The following CDH12 variants were observed in gnomAD, a reference collection of about 807,000 sequenced individuals.
CDH12 encodes cadherin 12.
CDH12 carries 41 observed loss-of-function variants against 74.1 expected under a neutral mutation model. The observed-to-expected ratio is 0.55, with a 90% CI of 0.43 to 0.72. The LOEUF is 0.72. Among genes scored for constraint, CDH12 ranks in the 30% least tolerant of loss-of-function variants. The probability of loss-of-function intolerance (pLI) is 0.00; values close to 1 mark genes in which losing one functional copy is unlikely to be tolerated. For missense variants in CDH12, 945 were observed against 977.2 expected, an observed-to-expected ratio of 0.97 and a Z score of 0.44; for synonymous variants, 399 against 355.0, an observed-to-expected ratio of 1.12 and a Z score of -1.39.
rs570178173 is a variant in CDH12, at chr5:22,471,820, C to T, written c.-428+33450G>A. Among the ~76,000 whole-genome samples, 3 of 152,208 alleles carry T rather than the reference C, an allele frequency of 2.0e-5. No homozygotes were observed. The East Asian group carries it at 5.8e-4, about 29-fold the overall frequency. ...AACACCCTAATCTCTTATTTTTCAA[C>T]TTTGTAGATTATTTTACTCCAGATT... On this transcript the variant is annotated intron_variant, in intron 2 of 14. Transcript: ENST00000382254.
chr5:22,391,998 G>C (rs1415657213), intron 3 of CDH12, among the ~76,000 whole-genome samples: 1 of 152,152 alleles, frequency 6.6e-6, no homozygotes, highest in Non-Finnish European at 1.5e-5. Context: ...GTAAGGGATG[G>C]AAAAGCTTGG....
chr5:22,202,208 A>G (rs1750968725), intron 4 of CDH12, among the ~76,000 whole-genome samples: 1 of 82,246 alleles, frequency 1.2e-5, no homozygotes, highest in African/African-American at 5.0e-5. Flanking sequence ...CCTTCTTTCA[A>G]CATATAGTTA....
rs185266453 is a variant in CDH12 at position 22,122,559 on chromosome 5, A to T, written c.-186-43697T>A. Among the ~76,000 whole-genome samples, 3 of 152,314 alleles carry T rather than the reference A, an allele frequency of 2.0e-5. No individual in the cohort carries two copies. In the East Asian group the frequency reaches 5.8e-4, roughly 29 times the overall value. ...TTGCTTTATCTTTTCCTCGTAGTAC[A>T]CAGTGTCTCCTGACATTCCTCTATA... On this transcript the variant is annotated intron_variant, in intron 4 of 14. Transcript: ENST00000382254.
chr5:22,431,280 A>AATGAC (rs1744161836), intron 2 of CDH12, among the ~76,000 whole-genome samples: 1 of 152,166 alleles, frequency 6.6e-6, no homozygotes, highest in African/African-American at 2.4e-5. Context: ...ATCCATATAA[A>AATGAC]ATGACAGTCC....
intron 1 of CDH12, among the ~76,000 whole-genome samples, chr5:22,574,761 T>C (rs1739703713): frequency 6.6e-6 from 1 of 152,144 alleles, no homozygotes; most frequent in Non-Finnish European, 1.5e-5. Context: ...AATCATATTG[T>C]GGGTTTCCAT....
intron 1 of CDH12, among the ~76,000 whole-genome samples, chr5:22,561,210 A>G (rs1053652182): frequency 1.6e-4 from 24 of 152,140 alleles, no homozygotes; most frequent in African/African-American, 5.5e-4. Context: ...GAGACATTCA[A>G]CTTTCAAATG....
intron 3 of CDH12, among the ~76,000 whole-genome samples, chr5:22,376,710 A>G (rs959688134): frequency 2.6e-4 from 32 of 123,478 alleles, no homozygotes; most frequent in African/African-American, 9.8e-4. Flanking sequence ...TTTTTTAGAG[A>G]TGAGCTCTCA....
intron 6 of CDH12, among the ~76,000 whole-genome samples, chr5:21,904,560 G>A (rs1264522089): frequency 6.6e-6 from 1 of 152,058 alleles, no homozygotes; most frequent in East Asian, 1.9e-4. Flanking sequence ...CTTGAGGCCA[G>A]GAGTTCAAGA....
intron 1 of CDH12, among the ~76,000 whole-genome samples, chr5:22,547,611 A>G (rs568592559): frequency 7.0e-4 from 107 of 152,276 alleles, no homozygotes; most frequent in African/African-American, 2.5e-3. Context: ...CATATTCCAG[A>G]GCTGATAATA....
chr5:22,600,770 G>A (rs761759248), intron 1 of CDH12, among the ~76,000 whole-genome samples: 10 of 151,134 alleles, frequency 6.6e-5, no homozygotes, highest in Non-Finnish European at 1.5e-4. Flanking sequence ...ATATATAATC[G>A]AATGGAATAA....
chr5:22,243,927 T>C (rs1480111879), intron 3 of CDH12, among the ~76,000 whole-genome samples: 6 of 152,194 alleles, frequency 3.9e-5, no homozygotes, highest in Admixed American at 3.3e-4. Flanking sequence ...AAACCTATTA[T>C]TATATTTCAA....
intron 1 of CDH12, among the ~76,000 whole-genome samples, chr5:22,660,814 G>A (rs1740309349): frequency 6.6e-6 from 1 of 151,894 alleles, no homozygotes; most frequent in African/African-American, 2.4e-5. Context: ...TTTTAATTGT[G>A]AGTTTTTAAA....
chr5:22,339,149 A>G (rs1739734406), intron 3 of CDH12, among the ~76,000 whole-genome samples: 3 of 152,206 alleles, frequency 2.0e-5, no homozygotes, highest in African/African-American at 7.2e-5. Context: ...TGTTTTTTTA[A>G]GCCAGTAAAT....
intron 4 of CDH12, among the ~76,000 whole-genome samples, chr5:22,083,164 C>A (rs931551618): frequency 1.3e-5 from 2 of 152,132 alleles, no homozygotes; most frequent in African/African-American, 4.8e-5. Context: ...TTAGCAGAAG[C>A]ACTTGTAATT....
At chr5:22,133,354 T>G (rs1318269986) in intron 4 of CDH12, among the ~76,000 whole-genome samples, 1 of 152,110 alleles carries the variant, frequency 6.6e-6, no homozygotes, top group Non-Finnish European at 1.5e-5. Context: ...TGAATTCTCA[T>G]ATCCATCCAT....
chr5:22,159,050 A>G (rs1396450240), intron 4 of CDH12, among the ~76,000 whole-genome samples: 1 of 152,142 alleles, frequency 6.6e-6, no homozygotes, highest in Non-Finnish European at 1.5e-5. Context: ...CAGGTTCCTG[A>G]AAAGGTCCAT....
chr5:22,674,769 G>A (rs1357264259), intron 1 of CDH12, among the ~76,000 whole-genome samples: 1 of 152,148 alleles, frequency 6.6e-6, no homozygotes, highest in African/African-American at 2.4e-5. Context: ...GAGCAAAGGT[G>A]ACTTTTGTTA....
chr5:22,230,854 T>C (rs1356571673), intron 3 of CDH12, among the ~76,000 whole-genome samples: 1 of 152,108 alleles, frequency 6.6e-6, no homozygotes, highest in East Asian at 1.9e-4. Context: ...CACCCTATTG[T>C]AAGAAAAGGG....
At chr5:22,267,448 A>G (rs1434809988) in intron 3 of CDH12, among the ~76,000 whole-genome samples, 1 of 152,172 alleles carries the variant, frequency 6.6e-6, no homozygotes, top group East Asian at 1.9e-4. Context: ...CTAGATTGAT[A>G]TAGACAACCT....
Sources: gnomAD v4.1 joint callset for allele counts (sites outside exome capture counted in the v4.1 genomes callset) on GRCh38, gnomAD v4.1.1 for gene constraint, MANE v1.5 for transcripts, NCBI Gene and HGNC (gene_info 2026-07-23, HGNC 2026-07-21) for gene names.